RELN: variants seen among roughly 807,000 people sequenced by gnomAD.
The protein encoded by RELN is reelin.
A neutral mutation model predicts 427.6 loss-of-function variants in RELN; 108 were observed. The observed-to-expected ratio is 0.25, with a 90% CI of 0.22 to 0.30. The LOEUF is 0.30. Ranked by LOEUF, RELN falls within the 10% of genes least tolerant of loss-of-function variation. RELN has a pLI of 1.00. For synonymous variants in RELN, 1,524 were observed against 1,513.4 expected (o/e 1.01, Z -0.16); for missense variants, 3,715 against 4,302.8 (o/e 0.86, Z 3.82).
chr7:103,854,946 A>G (rs39401), intron 2 of RELN, among the ~76,000 whole-genome samples: 39,731 of 152,204 alleles, frequency 0.26, 5,504 homozygotes, highest in Non-Finnish European at 0.31. Context: ...AGAAGTATGA[A>G]TTATTTTGTG....
At chr7:103,639,832 CTTATCT>C (rs141016648) in intron 17 of RELN, among the ~76,000 whole-genome samples, 7,074 of 152,138 alleles carry the variant, frequency 0.046, 557 homozygotes, top group African/African-American at 0.16. Context: ...CTGTTGAACA[CTTATCT>C]TTATTACAGA....
intron 18 of RELN, among the ~76,000 whole-genome samples, 178 bp downstream of exon 18, chr7:103,636,057 C>A (rs1832572707): frequency 6.6e-6 from 1 of 152,136 alleles, no homozygotes; most frequent in Admixed American, 6.5e-5. Context: ...CATTGGTGAG[C>A]CTCCTAATTT....
At position 103,561,896 on chromosome 7, in the gene RELN, G is replaced by A. The variant is rs756732080; in HGVS notation, c.5268C>T (p.Ser1756=). Residue 1756 remains serine, a synonymous_variant, in exon 35 of 65, where the codon TCC becomes TCT. Transcript: ENST00000428762. ...CCAGTACAACATTATCAATCGCCCA[G>A]GAATCAGCCCCCACAGTGTAGTTGG... The part of the protein sequence containing the change: ...IQANYTVGAD[S]WAIDNVVLAS... 3 of 1,605,080 alleles carry A rather than the reference G, an allele frequency of 1.9e-6. No individual in the cohort carries two copies. The highest frequency in any genetic ancestry group is 2.6e-6 in the Non-Finnish European group (3 of 1,176,322).
At chr7:103,713,418 G>T (rs1311852072) in intron 8 of RELN, among the ~76,000 whole-genome samples, 4 of 152,156 alleles carry the variant, frequency 2.6e-5, no homozygotes, top group Non-Finnish European at 4.4e-5. Flanking sequence ...TAGATTAATG[G>T]AGAACAGGAC....
chr7:103,929,971 G>A lies in RELN; in HGVS notation c.227-12786C>T, dbSNP rs556817080. On this transcript the variant is annotated intron_variant, in intron 1 of 64. Transcript: ENST00000428762. ...GTCAATAGATGAAATCACAAAGAAG[G>A]AACATGCAAATAATGAGGATCATTG... is the stretch of plus-strand genomic sequence containing the variant. Among the ~76,000 whole-genome samples, 7 of 152,198 alleles carry A rather than the reference G, an allele frequency of 4.6e-5. No individual in the cohort carries two copies. The East Asian group carries it at 1.3e-3, about 29-fold the overall frequency.
At chr7:103,691,080 C>T (rs1034317447) in intron 10 of RELN, among the ~76,000 whole-genome samples, 7 of 152,128 alleles carry the variant, frequency 4.6e-5, no homozygotes, top group African/African-American at 1.7e-4. Flanking sequence ...ACATTAAAAG[C>T]TGATAGTGTT....
chr7:103,639,900 T>G (rs1319196884), intron 17 of RELN, among the ~76,000 whole-genome samples: 1 of 152,198 alleles, frequency 6.6e-6, no homozygotes, highest in Admixed American at 6.5e-5. Context: ...AATATTAATG[T>G]AAGAATGACA....
chr7:103,958,464 T>C (rs1477502087), intron 1 of RELN, among the ~76,000 whole-genome samples: 3 of 152,318 alleles, frequency 2.0e-5, no homozygotes, highest in African/African-American at 7.2e-5. Context: ...TCATAGGTAG[T>C]TTTCTACGAC....
intron 51 of RELN, 38 bp from the exon 52 acceptor site, chr7:103,503,268 A>G (rs770712318): frequency 1.9e-6 from 3 of 1,578,510 alleles, no homozygotes; most frequent in Admixed American, 1.7e-5. Context: ...TATTAAAACT[A>G]TATGATATGA....
intron 50 of RELN, among the ~76,000 whole-genome samples, chr7:103,511,685 G>A (rs981597461): frequency 2.0e-5 from 3 of 148,680 alleles, no homozygotes; most frequent in Non-Finnish European, 4.4e-5. Context: ...GCAACATAGT[G>A]AGATCCTGAC....
intron 20 of RELN, among the ~76,000 whole-genome samples, chr7:103,615,842 G>T (rs1233370543): frequency 6.6e-6 from 1 of 152,186 alleles, no homozygotes; most frequent in Non-Finnish European, 1.5e-5. Context: ...ATGCTGTAAT[G>T]AATACCGACA....
Position 103,620,440 on chromosome 7 carries a change from T to C in RELN, c.2703-8637A>G, listed in dbSNP as rs1359430185. On this transcript the variant is annotated intron_variant, in intron 20 of 64. Transcript: ENST00000428762. The surrounding 1 kb of genome is among the most constrained non-coding windows in gnomAD (Gnocchi z 4.1). ...ATGTTGCATCCACATTATCTCCAGA[T>C]TCGATTTTGGTTGAAGATAACTCAC... Among the ~76,000 whole-genome samples the C allele has an allele frequency of 6.6e-6, 1 of 151,562 alleles. No homozygotes were observed. The highest frequency in any genetic ancestry group is 1.5e-5 in the Non-Finnish European group (1 of 67,984).
chr7:103,826,560 C>T (rs532613221), intron 3 of RELN, among the ~76,000 whole-genome samples: 2 of 152,032 alleles, frequency 1.3e-5, no homozygotes, highest in South Asian at 2.1e-4. Context: ...ATAGAGTTGT[C>T]GCTGCCATGG....
chr7:103,668,994 TTTTA>T (rs1254086768), intron 11 of RELN, among the ~76,000 whole-genome samples: 1 of 152,194 alleles, frequency 6.6e-6, no homozygotes, highest in Admixed American at 6.5e-5. Context: ...AGTCTTTTTC[TTTTA>T]TTTGTCGTAA....
chr7:103,816,781 C>A (rs1486141549), intron 3 of RELN, among the ~76,000 whole-genome samples: 1 of 152,074 alleles, frequency 6.6e-6, no homozygotes, highest in Admixed American at 6.6e-5. Flanking sequence ...CTTGAGTCTT[C>A]TTCTTGGAAT....
intron 28 of RELN, among the ~76,000 whole-genome samples, chr7:103,582,773 A>C (rs1339607916): frequency 3.9e-5 from 6 of 152,384 alleles, no homozygotes; most frequent in African/African-American, 1.4e-4. Context: ...GAACTTTATG[A>C]ATAAGACACG....
intron 46 of RELN, among the ~76,000 whole-genome samples, chr7:103,523,828 C>T (rs1417665131): frequency 7.9e-5 from 12 of 152,080 alleles, no homozygotes; most frequent in Admixed American, 5.9e-4. Context: ...TAGGCATGCA[C>T]TACAACACCC....
At chr7:103,552,864 A>C (rs1830443631) in intron 40 of RELN, among the ~76,000 whole-genome samples, 1 of 152,126 alleles carries the variant, frequency 6.6e-6, no homozygotes, top group South Asian at 2.1e-4. Context: ...AAATATTCTG[A>C]AAAGTTAATA....
intron 46 of RELN, among the ~76,000 whole-genome samples, chr7:103,528,535 T>C (rs929395546): frequency 6.6e-6 from 1 of 152,042 alleles, no homozygotes; most frequent in African/African-American, 2.4e-5. Context: ...GTACACTTTA[T>C]TTTTTTGAGA....
Sources: allele counts gnomAD v4.1 joint callset (sites outside exome capture counted in the v4.1 genomes callset), GRCh38; gene constraint gnomAD v4.1.1; non-coding constraint Gnocchi (gnomAD v3.1); transcripts MANE v1.5; gene names NCBI Gene and HGNC (gene_info 2026-07-23, HGNC 2026-07-21).